Variants in FGF13 observed in about 807,000 individuals in gnomAD.
FGF13 encodes fibroblast growth factor homologous factor 2.
In FGF13, 2 loss-of-function variants were observed where a neutral mutation model predicts 19.5. The ratio of observed to expected loss-of-function variants is 0.10; its 90% CI spans 0.04 to 0.32. The LOEUF (loss-of-function observed/expected upper bound fraction) is 0.32, where lower values mean the gene tolerates loss of function less well. FGF13 is among the 10% of genes least tolerant of loss of function. FGF13 has a pLI of 1.00. For missense variants in FGF13, 113 were observed against 192.7 expected, an observed-to-expected ratio of 0.59 and a Z score of 2.45; for synonymous variants, 72 against 76.9, an observed-to-expected ratio of 0.94 and a Z score of 0.33.
At chrX:138,858,147 A>C (rs1197761078) in intron 2 of FGF13, among the ~76,000 whole-genome samples, 1 of 112,040 alleles carries the variant, frequency 8.9e-6, no homozygotes, top group Non-Finnish European at 1.9e-5. Flanking sequence ...CAGACAGAAG[A>C]ATCAGTCACT....
chrX:138,680,873 AC>A (rs2089720944), intron 3 of FGF13, among the ~76,000 whole-genome samples: 1 of 111,209 alleles, frequency 9.0e-6, no homozygotes, highest in South Asian at 3.8e-4. Flanking sequence ...TACTTCATCT[AC>A]ATTGAAAATC....
At chrX:139,065,838 G>A (rs1007133346) in intron 1 of FGF13, among the ~76,000 whole-genome samples, 14 of 111,473 alleles carry the variant, frequency 1.3e-4, no homozygotes, top group Non-Finnish European at 2.6e-4. Flanking sequence ...GACATCTACA[G>A]AACTCTGCAC....
At chrX:138,800,374 TTTTC>T (rs1198395093) in intron 3 of FGF13, among the ~76,000 whole-genome samples, 1 of 111,818 alleles carries the variant, frequency 8.9e-6, no homozygotes, top group Non-Finnish European at 1.9e-5. Flanking sequence ...TTGAAAAGTC[TTTTC>T]TTTAACAATG....
At chrX:138,762,423 C>A (rs1283514929) in intron 3 of FGF13, among the ~76,000 whole-genome samples, 7 of 112,151 alleles carry the variant, frequency 6.2e-5, no homozygotes, top group Non-Finnish European at 1.3e-4. Flanking sequence ...TTTGTGAGAA[C>A]TAGATTTTTT....
intron 3 of FGF13, among the ~76,000 whole-genome samples, chrX:138,849,590 T>C (rs1430125327): frequency 9.0e-6 from 1 of 111,626 alleles, no homozygotes; most frequent in African/African-American, 3.3e-5. Flanking sequence ...ATTTGGGGAA[T>C]CAACCAGTCT....
Position 139,172,493 on chromosome X carries a change from C to T in FGF13, c.-113+30923G>A, listed in dbSNP as rs73634005. Among the ~76,000 whole-genome samples, 678 of 111,722 alleles carry T rather than the reference C, an allele frequency of 6.1e-3. 4 individuals are homozygous for T. The highest frequency in any genetic ancestry group is 0.021 in the African/African-American group (648 of 30,794). On this transcript the variant is annotated intron_variant, in intron 1 of 2. Coordinates refer to the FGF13 transcript ENST00000421460. ...TTCTACCCGTGCATAATCCAGCTTC[C>T]ACTTTCCTAGCTCTTAGCACACACC...
intron 1 of FGF13, among the ~76,000 whole-genome samples, chrX:139,066,934 C>T (rs144275829): frequency 1.5e-3 from 169 of 111,344 alleles, no homozygotes; most frequent in Non-Finnish European, 2.1e-3. Context: ...TTATCCATCA[C>T]GATCAAGTCG....
intron 1 of FGF13, among the ~76,000 whole-genome samples, chrX:138,920,587 A>T (rs916671883): frequency 8.9e-6 from 1 of 111,875 alleles, no homozygotes; most frequent in South Asian, 3.7e-4. Flanking sequence ...GCAACATCAA[A>T]TCATATCATC....
Position 138,926,526 on chromosome X carries a change from G to A in FGF13, c.-112-61876C>T, listed in dbSNP as rs188111063. On this transcript the variant is annotated intron_variant, in intron 1 of 2. Transcript: ENST00000421460. Reference sequence around the variant, plus strand: ...TAGGATGATCAATGTGGGCCTCATTGACATTGTGAGCGATAAGCAAAGACT... The same window carrying A: ...TAGGATGATCAATGTGGGCCTCATTAACATTGTGAGCGATAAGCAAAGACT... 5.4e-5 allele frequency among the ~76,000 whole-genome samples: 6 copies of A among 111,297 alleles called. No homozygotes were observed. In the East Asian group the frequency reaches 1.7e-3, roughly 31 times the overall value.
At position 138,840,497 on chromosome X, in the gene FGF13, T is replaced by C. The variant is rs1026428550; in HGVS notation, c.217+17015A>G. The stretch of plus-strand genomic sequence containing the variant: ...AACAGGTCGCCCTGCCACTGTATAC[T>C]TCTCTACAGGGGAAATCATAATAAA... On this transcript the variant is annotated intron_variant, in intron 3 of 6. Transcript: ENST00000436198. 8.9e-5 allele frequency among the ~76,000 whole-genome samples: 10 copies of C among 111,907 alleles called. No individual in the cohort carries two copies. The Admixed American group carries it at 9.5e-4, about 11-fold the overall frequency.
intron 3 of FGF13, among the ~76,000 whole-genome samples, chrX:138,688,106 C>A (rs775265714): frequency 7.9e-4 from 86 of 109,347 alleles, no homozygotes; most frequent in African/African-American, 2.7e-3. Context: ...CAGGTGCGTG[C>A]CACCATGCCC....
chrX:139,002,903 C>A (rs1246142654), intron 1 of FGF13, among the ~76,000 whole-genome samples: 3 of 111,845 alleles, frequency 2.7e-5, no homozygotes, highest in Non-Finnish European at 5.6e-5. Context: ...ATAGGCCTTG[C>A]GTGAGACTCT....
chrX:138,731,782 T>G (rs146025589), intron 1 of FGF13, among the ~76,000 whole-genome samples: 1 of 109,429 alleles, frequency 9.1e-6, no homozygotes, highest in African/African-American at 3.3e-5. Context: ...GCTAGCAAGA[T>G]AGACCAAGAA....
intron 1 of FGF13, among the ~76,000 whole-genome samples, chrX:138,717,430 T>TTTCTATCTAGCTAG (rs1294149504): frequency 1.8e-5 from 2 of 111,606 alleles, no homozygotes; most frequent in East Asian, 5.7e-4. Flanking sequence ...TAGCTAGGTA[T>TTTCTATCTAGCTAG]GTGGGTTGGT....
At chrX:138,792,646 G>C (rs2090751156) in intron 3 of FGF13, among the ~76,000 whole-genome samples, 1 of 111,832 alleles carries the variant, frequency 8.9e-6, no homozygotes, top group Admixed American at 9.5e-5. Flanking sequence ...AGGATGGCCT[G>C]AGACTGATCC....
At chrX:139,047,701 A>C (rs1223335743) in intron 1 of FGF13, among the ~76,000 whole-genome samples, 1 of 112,127 alleles carries the variant, frequency 8.9e-6, no homozygotes, top group African/African-American at 3.3e-5. Context: ...TTGAGGCTTA[A>C]ATGAGAAGAT....
At chrX:139,127,457 A>C (rs780294126) in intron 1 of FGF13, among the ~76,000 whole-genome samples, 2 of 111,843 alleles carry the variant, frequency 1.8e-5, no homozygotes, top group Non-Finnish European at 3.8e-5. Flanking sequence ...TGAGGCAGGA[A>C]AGGGGTTGAC....
chrX:138,764,521 A>G (rs2090490571), intron 3 of FGF13, among the ~76,000 whole-genome samples: 1 of 112,729 alleles, frequency 8.9e-6, no homozygotes, highest in Admixed American at 9.4e-5. Flanking sequence ...ACATTTTAAA[A>G]TGGTTTAAAG....
At position 138,700,979 on chromosome X, in the gene FGF13, T is replaced by G. The variant is rs749770919; in HGVS notation, c.402+2005A>C. On this transcript the variant is annotated intron_variant, in intron 3 of 4. Transcript: ENST00000315930. ...AATTTGAATGGTAGGCTATGCATTT[T>G]CAACGCTGGTTCCTTAAGTGTAATG... is the stretch of plus-strand genomic sequence containing the variant. Among the ~76,000 whole-genome samples, 9 of 112,339 alleles carry G rather than the reference T, an allele frequency of 8.0e-5. No individual in the cohort carries two copies. In the Admixed American group the frequency reaches 8.5e-4, roughly 11 times the overall value.
Sources: gnomAD v4.1 joint callset for allele counts (sites outside exome capture counted in the v4.1 genomes callset) on GRCh38, gnomAD v4.1.1 for gene constraint, MANE v1.5 for transcripts, NCBI Gene and HGNC (gene_info 2026-07-23, HGNC 2026-07-21) for gene names.